CCDC148: variants seen among roughly 807,000 people sequenced by gnomAD.
The protein encoded by CCDC148 is coiled-coil domain containing 148, also known as coiled-coil domain-containing protein 148.
A neutral mutation model predicts 85.7 loss-of-function variants in CCDC148; 89 were observed. The ratio of observed to expected loss-of-function variants is 1.04; its 90% confidence interval spans 0.87 to 1.24. The LOEUF is 1.24. CCDC148 is among the 50% of genes most tolerant of loss of function. CCDC148 has a pLI of 0.00. For synonymous variants in CCDC148, 230 were observed against 213.9 expected, an observed-to-expected ratio of 1.08 and a Z score of -0.66; for missense variants, 692 against 671.7, an observed-to-expected ratio of 1.03 and a Z score of -0.33.
chr2:158,319,766 G>A (rs1162617185), intron 7 of CCDC148, among the ~76,000 whole-genome samples: 1 of 152,182 alleles, frequency 6.6e-6, no homozygotes, highest in Non-Finnish European at 1.5e-5. Context: ...ATGAAAGGAT[G>A]TAGAGATGAA....
intron 12 of CCDC148, among the ~76,000 whole-genome samples, chr2:158,178,553 A>G (rs1684707757): frequency 6.6e-6 from 1 of 152,200 alleles, no homozygotes; most frequent in African/African-American, 2.4e-5. Context: ...TTTTGAGGAC[A>G]GTAAAATTCG....
intron 9 of CCDC148, among the ~76,000 whole-genome samples, chr2:158,306,571 C>G (rs562464897): frequency 3.3e-5 from 5 of 151,314 alleles, no homozygotes; most frequent in African/African-American, 1.2e-4. Flanking sequence ...AGCAAACTAT[C>G]ACAAGAACAA....
intron 8 of CCDC148, among the ~76,000 whole-genome samples, chr2:158,311,385 C>T (rs1692005253): frequency 6.6e-6 from 1 of 152,156 alleles, no homozygotes; most frequent in South Asian, 2.1e-4. Context: ...GCAGGAGAAT[C>T]AGGCAGGGAA....
intron 9 of CCDC148, among the ~76,000 whole-genome samples, chr2:158,259,460 A>G (rs1025147355): frequency 1.3e-5 from 2 of 151,968 alleles, no homozygotes; most frequent in Admixed American, 1.3e-4. Flanking sequence ...GAAATGAGGT[A>G]AGAAAGCAAA....
chr2:158,331,344 T>C (rs1053455464), intron 7 of CCDC148, among the ~76,000 whole-genome samples: 7 of 152,218 alleles, frequency 4.6e-5, no homozygotes, highest in African/African-American at 1.4e-4. Context: ...TCCTGAGTTC[T>C]AGTTTGATTG....
chr2:158,176,917 A>G (rs1489304629), intron 12 of CCDC148, among the ~76,000 whole-genome samples: 1 of 152,138 alleles, frequency 6.6e-6, no homozygotes, highest in Non-Finnish European at 1.5e-5. Context: ...GAATAATTAT[A>G]ATTAATTTCA....
At chr2:158,330,440 G>A (rs977271221) in intron 7 of CCDC148, among the ~76,000 whole-genome samples, 1 of 152,172 alleles carries the variant, frequency 6.6e-6, no homozygotes, top group Non-Finnish European at 1.5e-5. Context: ...TTGCATCAAT[G>A]TTTATCAGCG....
intron 1 of CCDC148, among the ~76,000 whole-genome samples, chr2:158,434,915 G>C (rs1259060751): frequency 6.6e-6 from 1 of 152,200 alleles, no homozygotes; most frequent in East Asian, 1.9e-4. Context: ...AGCGAGAAGA[G>C]AAGTTTACAG....
At chr2:158,345,078 T>C (rs1411106022) in intron 3 of CCDC148, 137 bp downstream of exon 3, 2 of 563,114 alleles carry the variant, frequency 3.6e-6, no homozygotes, top group Non-Finnish European at 6.1e-6. Context: ...AGGATTTTAA[T>C]TTGACTCACA....
chr2:158,346,187 A>T (rs1419614897), intron 2 of CCDC148, among the ~76,000 whole-genome samples: 1 of 152,166 alleles, frequency 6.6e-6, no homozygotes, highest in Non-Finnish European at 1.5e-5. Flanking sequence ...CTCACAGAGC[A>T]GCTTGTGTTT....
intron 10 of CCDC148, among the ~76,000 whole-genome samples, chr2:158,226,326 C>A (rs1394227404): frequency 3.9e-5 from 6 of 151,956 alleles, no homozygotes; most frequent in African/African-American, 9.7e-5. Flanking sequence ...GCTTACCAAC[C>A]AAAAAAAGTC....
rs560299584 is a variant in CCDC148 at position 158,279,751 on chromosome 2, G to A, written c.1111-28839C>T. Reference sequence around the variant, plus strand: ...CCCCAATCTAGCAAGGCAGGCCAACGTTCAGATTCAGGAAATACAGAGAAC... The same window carrying A: ...CCCCAATCTAGCAAGGCAGGCCAACATTCAGATTCAGGAAATACAGAGAAC... On this transcript the variant is annotated intron_variant, in intron 9 of 13. Transcript: ENST00000283233. Among the ~76,000 whole-genome samples, 220 of 152,050 alleles carry A rather than the reference G, an allele frequency of 1.4e-3. 1 individual carries two copies. The highest frequency in any genetic ancestry group is 4.8e-3 in the African/African-American group (200 of 41,476).
chr2:158,354,792 C>T (rs1243280289), intron 2 of CCDC148, among the ~76,000 whole-genome samples: 1 of 150,642 alleles, frequency 6.6e-6, no homozygotes, highest in African/African-American at 2.4e-5. Context: ...GAATTTTAGA[C>T]CAATATCCTT....
At chr2:158,283,920 T>C (rs1690478578) in intron 9 of CCDC148, among the ~76,000 whole-genome samples, 1 of 151,628 alleles carries the variant, frequency 6.6e-6, no homozygotes, top group Non-Finnish European at 1.5e-5. Flanking sequence ...ATGTGGCACA[T>C]ATACACCATG....
intron 1 of CCDC148, among the ~76,000 whole-genome samples, chr2:158,369,187 G>A (rs1206860053): frequency 6.6e-6 from 1 of 151,672 alleles, no homozygotes; most frequent in Admixed American, 6.6e-5. Flanking sequence ...GTTTAAAGTA[G>A]TTTTTTTTCT....
intron 1 of CCDC148, among the ~76,000 whole-genome samples, chr2:158,446,652 A>G (rs936117734): frequency 6.6e-6 from 1 of 152,194 alleles, no homozygotes; most frequent in African/African-American, 2.4e-5. Context: ...CAATTCATAA[A>G]ATATACCCAT....
At chr2:158,358,364 T>C (rs1403013891) in intron 2 of CCDC148, 85 bp downstream of exon 2, 3 of 1,476,864 alleles carry the variant, frequency 2.0e-6, no homozygotes, top group African/African-American at 1.4e-5. Context: ...TGGAATGTCA[T>C]TTATTTTCAC....
chr2:158,439,033 G>A (rs1027599375), intron 1 of CCDC148, among the ~76,000 whole-genome samples: 1 of 152,168 alleles, frequency 6.6e-6, no homozygotes, highest in Non-Finnish European at 1.5e-5. Context: ...TGGTGGGACT[G>A]TAAACTAGTT....
At chr2:158,209,104 A>T (rs1438471378) in intron 11 of CCDC148, among the ~76,000 whole-genome samples, 1 of 151,652 alleles carries the variant, frequency 6.6e-6, no homozygotes, top group Non-Finnish European at 1.5e-5. Flanking sequence ...GTATGTATAT[A>T]TATAAATAAA....
Sources: allele counts gnomAD v4.1 joint callset (sites outside exome capture counted in the v4.1 genomes callset), GRCh38; gene constraint gnomAD v4.1.1; transcripts MANE v1.5; gene names NCBI Gene and HGNC (gene_info 2026-07-23, HGNC 2026-07-21).